MIB1: variants seen among roughly 807,000 people sequenced by gnomAD.
MIB1 encodes E3 ubiquitin-protein ligase MIB1.
MIB1 carries 278 observed loss-of-function variants against 124.5 expected under a neutral mutation model. The observed-to-expected ratio is 2.23, with a 90% CI of 2.02 to 2.47. The LOEUF (loss-of-function observed/expected upper bound fraction) is 2.47, where lower values mean the gene tolerates loss of function less well. Among genes scored for constraint, MIB1 ranks in the 30% most tolerant of loss-of-function variants. The probability of loss-of-function intolerance (pLI) is 0.00; values close to 1 mark genes in which losing one functional copy is unlikely to be tolerated. For missense variants in MIB1, 957 were observed against 1,254.4 expected (o/e 0.76, Z 3.58); for synonymous variants, 446 against 429.4 (o/e 1.04, Z -0.48).
rs148474125 is a variant in MIB1, at chr18:21,778,242, G to A, written c.703+73G>A. On this transcript the variant is annotated intron_variant, in intron 5 of 20. Transcript: ENST00000261537. ...GTGGAATCAGTAAAATGCTTAAATT[G>A]GATGTTAGAAAAGTTAATTACCACT... 10 of 1,104,872 alleles carry A rather than the reference G, an allele frequency of 9.1e-6. No homozygotes were observed. In the Admixed American group the frequency reaches 1.8e-4, roughly 20 times the overall value. 68.4% of individuals were successfully genotyped at this position (1,104,872 alleles called of 1,614,324 possible). A position where few individuals can be genotyped will look rare whatever the true frequency, so the allele number is the denominator to read the frequency against.
At chr18:21,813,322 T>C (rs1320593691) in intron 10 of MIB1, among the ~76,000 whole-genome samples, 1 of 152,198 alleles carries the variant, frequency 6.6e-6, no homozygotes, top group African/African-American at 2.4e-5. Flanking sequence ...GATTAACTTA[T>C]GTATACATGC....
chr18:21,854,041 C>G (rs1343509259), intron 18 of MIB1, among the ~76,000 whole-genome samples: 1 of 132,262 alleles, frequency 7.6e-6, no homozygotes, highest in Non-Finnish European at 1.6e-5. Flanking sequence ...AAAAAAATTC[C>G]AATAGGCAGC....
intron 1 of MIB1, among the ~76,000 whole-genome samples, chr18:21,755,195 CACA>C (rs751097376): frequency 1.3e-5 from 2 of 152,268 alleles, no homozygotes; most frequent in Non-Finnish European, 2.9e-5. Flanking sequence ...GAACTAGGAA[CACA>C]ACATTTTTTA....
chr18:21,850,880 G>T (rs553050654), intron 17 of MIB1, among the ~76,000 whole-genome samples: 16 of 152,116 alleles, frequency 1.1e-4, no homozygotes, highest in Non-Finnish European at 2.2e-4. Context: ...TCTTTAGATT[G>T]ATCTGTGTAT....
At chr18:21,799,701 C>G in intron 8 of MIB1, 140 bp from the exon 9 acceptor site, 1 of 820,578 alleles carries the variant, frequency 1.2e-6, no homozygotes, top group Non-Finnish European at 1.8e-6. Flanking sequence ...GTGATTATAA[C>G]TTGCATGGGT....
intron 12 of MIB1, among the ~76,000 whole-genome samples, chr18:21,838,078 A>G (rs1371609310): frequency 1.3e-5 from 2 of 152,018 alleles, no homozygotes; most frequent in Non-Finnish European, 2.9e-5. Context: ...TCTATTTCCC[A>G]GATAGTAATA....
chr18:21,775,763 A>G (rs900538260), intron 4 of MIB1, among the ~76,000 whole-genome samples: 1 of 152,176 alleles, frequency 6.6e-6, no homozygotes, highest in Non-Finnish European at 1.5e-5. Flanking sequence ...AATGAATGGT[A>G]TTTATATAGA....
chr18:21,757,153 TA>T lies in MIB1; in HGVS notation c.230-8613del, dbSNP rs58032441. Among the ~76,000 whole-genome samples, 1,331 of 151,902 alleles carry T rather than the reference TA, an allele frequency of 8.8e-3. 21 individuals carry two copies. The highest frequency in any genetic ancestry group is 0.03 in the African/African-American group (1,243 of 41,440). ...GTCAACTACACTATTTACATTAACT[TA>T]AAAAAGACAGTCTTTTAGGCCATGC... On this transcript the variant is annotated intron_variant, in intron 1 of 20. Coordinates refer to ENST00000261537, the MANE Select transcript of MIB1 (RefSeq NM_020774.4).
At chr18:21,754,466 A>C (rs1011170668) in intron 1 of MIB1, among the ~76,000 whole-genome samples, 6 of 152,094 alleles carry the variant, frequency 3.9e-5, no homozygotes, top group South Asian at 2.1e-4. Context: ...CTATTTAGTC[A>C]CTTAGTAGCT....
At chr18:21,825,893 CTGAA>C (rs1217578521) in intron 12 of MIB1, 2 of 365,494 alleles carry the variant, frequency 5.5e-6, no homozygotes, top group Non-Finnish European at 1.1e-5. Context: ...GCTTCAGTCA[CTGAA>C]TGTCAAATTT....
At chr18:21,706,200 G>A (rs1466594199) in intron 1 of MIB1, among the ~76,000 whole-genome samples, 1 of 152,116 alleles carries the variant, frequency 6.6e-6, no homozygotes, top group African/African-American at 2.4e-5. Flanking sequence ...TCCTGCCTCA[G>A]CCTCCCGAGT....
chr18:21,850,810 A>AC (rs2042173669), intron 17 of MIB1, among the ~76,000 whole-genome samples: 1 of 152,212 alleles, frequency 6.6e-6, no homozygotes, highest in African/African-American at 2.4e-5. Flanking sequence ...CTACCTGTTT[A>AC]CGAAGTAATA....
intron 4 of MIB1, among the ~76,000 whole-genome samples, chr18:21,776,033 A>G (rs572761760): frequency 6.6e-6 from 1 of 152,086 alleles, no homozygotes; most frequent in South Asian, 2.1e-4. Flanking sequence ...ATGGGAGGCT[A>G]AAGCAGGTAG....
In MIB1 at chr18:21,768,711, C is replaced by T; in HGVS notation, c.490C>T (p.Gln164Ter). The change falls in exon 3 of 21, where the codon CAG becomes TAG. Residue 164 changes from glutamine to a stop codon, truncating the protein, a stop_gained. Coordinates refer to ENST00000261537, the MANE Select transcript of MIB1 (RefSeq NM_020774.4). LOFTEE classifies it high-confidence loss of function. Reference protein sequence around the residue: ...GARVVRGVDWQWEDQDGGNGR... With the variant: ...GARVVRGVDW ...CAGAGTGGTGCGAGGAGTGGACTGG[C>T]AGTGGGAAGATCAAGATGGAGGAAA... 2 of 1,610,760 alleles carry T rather than the reference C, an allele frequency of 1.2e-6. No homozygotes were observed. The highest frequency in any genetic ancestry group is 1.7e-6 in the Non-Finnish European group (2 of 1,178,432).
intron 1 of MIB1, among the ~76,000 whole-genome samples, chr18:21,711,535 G>A (rs776279601): frequency 3.3e-5 from 5 of 151,720 alleles, no homozygotes; most frequent in Admixed American, 6.6e-5. Context: ...CGCCCACCTC[G>A]ACCTCCCAAA....
chr18:21,756,684 A>T (rs1469961140), intron 1 of MIB1, among the ~76,000 whole-genome samples: 2 of 152,106 alleles, frequency 1.3e-5, no homozygotes, highest in East Asian at 3.9e-4. Flanking sequence ...GGCTGGTCTC[A>T]AACTCCTGAT....
intron 1 of MIB1, among the ~76,000 whole-genome samples, chr18:21,727,338 T>G (rs1419346841): frequency 1.3e-5 from 2 of 152,166 alleles, no homozygotes; most frequent in African/African-American, 4.8e-5. Context: ...TTTACCATGT[T>G]GGCCAGCTGG....
At chr18:21,819,286 G>A (rs576592912) in intron 11 of MIB1, among the ~76,000 whole-genome samples, 3 of 152,218 alleles carry the variant, frequency 2.0e-5, no homozygotes, top group Admixed American at 1.3e-4. Context: ...TGATCCTCCC[G>A]CCTCAGCCTC....
intron 6 of MIB1, among the ~76,000 whole-genome samples, chr18:21,786,165 C>T (rs1217264534): frequency 2.0e-5 from 3 of 152,052 alleles, no homozygotes; most frequent in Admixed American, 1.3e-4. Context: ...GGCACGATCT[C>T]GGCTCACTGC....
Sources: allele counts gnomAD v4.1 joint callset (sites outside exome capture counted in the v4.1 genomes callset), GRCh38; gene constraint gnomAD v4.1.1; transcripts MANE v1.5; gene names NCBI Gene and HGNC (gene_info 2026-07-23, HGNC 2026-07-21).